Variants in LRRC4C observed in about 807,000 individuals in gnomAD.
The protein encoded by LRRC4C is leucine-rich repeat-containing protein 4C.
Under a neutral mutation model 33.6 loss-of-function variants are expected in LRRC4C, and 5 were observed. That is an observed-to-expected ratio of 0.15 (90% CI 0.08 to 0.31). The LOEUF (loss-of-function observed/expected upper bound fraction) is 0.31. Among genes scored for constraint, LRRC4C ranks in the 10% least tolerant of loss-of-function variants. LRRC4C has a pLI of 1.00. For missense variants in LRRC4C, 560 were observed against 796.7 expected (o/e 0.70, Z 3.58); for synonymous variants, 329 against 302.0 (o/e 1.09, Z -0.93).
In LRRC4C at chr11:41,358,667, AAAC is replaced by A. The variant is rs574361198; in HGVS notation, c.-496+100761_-496+100763del. 2.0e-3 allele frequency among the ~76,000 whole-genome samples: 306 copies of A among 152,308 alleles called. 2 individuals are homozygous for A. The highest frequency in any genetic ancestry group is 6.5e-3 in the African/African-American group (270 of 41,560). On this transcript the variant is annotated intron_variant, in intron 1 of 6. Coordinates refer to ENST00000528697, the MANE Select transcript of LRRC4C (RefSeq NM_001258419.2). Reference sequence around the variant, plus strand: ...TATGCCATCAGAGAAATGCAAATTAAAACAACGATGAGATATAACTGCTCACTT... The same window carrying A: ...TATGCCATCAGAGAAATGCAAATTAAAACGATGAGATATAACTGCTCACTT...
At chr11:40,398,585 G>A (rs1404626241) in intron 3 of LRRC4C, among the ~76,000 whole-genome samples, 1 of 151,966 alleles carries the variant, frequency 6.6e-6, no homozygotes, top group Non-Finnish European at 1.5e-5. Context: ...TATTTTCTTA[G>A]TTTTGATTGT....
intron 4 of LRRC4C, among the ~76,000 whole-genome samples, chr11:40,274,408 G>A (rs1320278089): frequency 2.6e-5 from 3 of 114,072 alleles, no homozygotes; most frequent in Non-Finnish European, 3.8e-5. Flanking sequence ...CTTACCCTGC[G>A]GAATAGACAC....
intron 2 of LRRC4C, among the ~76,000 whole-genome samples, chr11:40,660,254 T>C (rs952513317): frequency 1.3e-5 from 2 of 152,180 alleles, no homozygotes; most frequent in African/African-American, 4.8e-5. Flanking sequence ...CTTGCTCGCT[T>C]ACACAACCCT....
intron 1 of LRRC4C, among the ~76,000 whole-genome samples, chr11:41,092,106 T>C (rs1316538738): frequency 6.6e-6 from 1 of 152,220 alleles, no homozygotes; most frequent in Non-Finnish European, 1.5e-5. Context: ...ATTATTTGGT[T>C]GAATTATAAA....
intron 1 of LRRC4C, among the ~76,000 whole-genome samples, chr11:40,977,549 A>G (rs891241037): frequency 3.0e-4 from 46 of 152,134 alleles, no homozygotes; most frequent in South Asian, 4.1e-4. Flanking sequence ...CACAGTGACT[A>G]TAAGTCTCAA....
intron 1 of LRRC4C, among the ~76,000 whole-genome samples, chr11:41,298,083 G>A (rs907702188): frequency 6.6e-6 from 1 of 152,132 alleles, no homozygotes; most frequent in South Asian, 2.1e-4. Context: ...CAATAAATGT[G>A]GTACTAGTTA....
chr11:40,483,915 A>C lies in LRRC4C; in HGVS notation c.-269-164194T>G, dbSNP rs577335285. On this transcript the variant is annotated intron_variant, in intron 3 of 6. Transcript: ENST00000528697. ...AATCCAAAAAGCATTTCCAGAAAAC[A>C]AAAAAAGACAATTCACTGTAAAACA... Among the ~76,000 whole-genome samples, 17 of 152,058 alleles carry C rather than the reference A, an allele frequency of 1.1e-4. No individual in the cohort carries two copies. The South Asian group carries it at 3.5e-3, about 32-fold the overall frequency.
At chr11:40,815,072 C>A (rs1407625292) in intron 2 of LRRC4C, among the ~76,000 whole-genome samples, 2 of 152,102 alleles carry the variant, frequency 1.3e-5, no homozygotes, top group African/African-American at 2.4e-5. Flanking sequence ...CTGTATTAGT[C>A]CATTCTCACA....
chr11:41,293,282 T>C (rs1263799053), intron 1 of LRRC4C, among the ~76,000 whole-genome samples: 1 of 152,144 alleles, frequency 6.6e-6, no homozygotes. Flanking sequence ...GATTTTGTAT[T>C]ACTATCATAG....
intron 2 of LRRC4C, among the ~76,000 whole-genome samples, chr11:40,910,594 C>A (rs577601967): frequency 6.6e-6 from 1 of 152,196 alleles, no homozygotes; most frequent in Non-Finnish European, 1.5e-5. Flanking sequence ...TGAATAGGAA[C>A]AGCTCCAGTC....
intron 3 of LRRC4C, among the ~76,000 whole-genome samples, chr11:40,544,902 C>G (rs1331409778): frequency 1.3e-5 from 2 of 151,984 alleles, no homozygotes; most frequent in Admixed American, 1.3e-4. Flanking sequence ...TGTTAATTCA[C>G]TGTCTAATCT....
chr11:40,434,553 C>T (rs141640169), intron 3 of LRRC4C, among the ~76,000 whole-genome samples: 4,546 of 152,280 alleles, frequency 0.03, 139 homozygotes, highest in Admixed American at 0.092. Context: ...ACAAAAACTC[C>T]GTGGGGATCT....
At chr11:40,254,708 G>T (rs1472458176) in intron 4 of LRRC4C, among the ~76,000 whole-genome samples, 1 of 152,180 alleles carries the variant, frequency 6.6e-6, no homozygotes. Context: ...AGACACTGAA[G>T]ATGTAACAGT....
At chr11:40,256,097 C>A (rs765499936) in intron 4 of LRRC4C, among the ~76,000 whole-genome samples, 1 of 152,174 alleles carries the variant, frequency 6.6e-6, no homozygotes, top group Non-Finnish European at 1.5e-5. Flanking sequence ...TGCTTTGGAT[C>A]CACTCATGCA....
intron 3 of LRRC4C, among the ~76,000 whole-genome samples, chr11:40,366,720 G>T (rs1220545722): frequency 6.6e-6 from 1 of 151,980 alleles, no homozygotes; most frequent in East Asian, 1.9e-4. Context: ...GCATTTTCAT[G>T]AGGAGAGGGT....
chr11:40,398,973 C>T (rs7950780), intron 3 of LRRC4C, among the ~76,000 whole-genome samples: 1 of 152,046 alleles, frequency 6.6e-6, no homozygotes, highest in Non-Finnish European at 1.5e-5. Flanking sequence ...TTTTAGATAA[C>T]CCTCTAATTA....
intron 3 of LRRC4C, among the ~76,000 whole-genome samples, chr11:40,572,521 C>T (rs1268352828): frequency 6.6e-6 from 1 of 152,150 alleles, no homozygotes; most frequent in East Asian, 1.9e-4. Context: ...TTGAGGTTTA[C>T]AGCTGAATAC....
chr11:40,648,333 G>T (rs138215367), intron 2 of LRRC4C, 55 bp from the exon 3 acceptor site: 37 of 152,172 alleles, frequency 2.4e-4, no homozygotes, highest in Admixed American at 5.9e-4. Flanking sequence ...GTCAATAAAT[G>T]CTGGTAGATT....
At chr11:41,111,971 A>G (rs1941858504) in intron 1 of LRRC4C, among the ~76,000 whole-genome samples, 2 of 152,070 alleles carry the variant, frequency 1.3e-5, no homozygotes, top group African/African-American at 4.8e-5. Context: ...AGGTTAGGCA[A>G]CAAGCAAGTT....
Sources: allele counts gnomAD v4.1 joint callset (sites outside exome capture counted in the v4.1 genomes callset), GRCh38; gene constraint gnomAD v4.1.1; transcripts MANE v1.5; gene names NCBI Gene and HGNC (gene_info 2026-07-23, HGNC 2026-07-21).